LUZP2: variants seen among roughly 807,000 people sequenced by gnomAD.
The protein encoded by LUZP2 is leucine zipper protein 2.
LUZP2 carries 52 observed loss-of-function variants against 51.6 expected under a neutral mutation model. The ratio of observed to expected loss-of-function variants is 1.01; its 90% CI spans 0.81 to 1.27. LUZP2 has a LOEUF of 1.27. LUZP2 is among the 50% of genes most tolerant of loss of function. The pLI is 0.00. For missense variants in LUZP2, 436 were observed against 395.4 expected (o/e 1.10, Z -0.87); for synonymous variants, 154 against 137.3 (o/e 1.12, Z -0.85).
chr11:25,056,107 G>A (rs1858678042), intron 10 of LUZP2, among the ~76,000 whole-genome samples: 1 of 152,076 alleles, frequency 6.6e-6, no homozygotes, highest in Non-Finnish European at 1.5e-5. Context: ...TACTGTAATT[G>A]TATTTGTAAT....
At chr11:24,977,929 G>T in intron 8 of LUZP2, among the ~76,000 whole-genome samples, 1 of 150,538 alleles carries the variant, frequency 6.6e-6, no homozygotes. Flanking sequence ...GATGTCAAGG[G>T]CTTTCTATTT....
In LUZP2 at chr11:24,693,431, G is replaced by C. The variant is rs117619416; in HGVS notation, c.63-35738G>C. ...AGAAGAATCAATATATGATTTAAGA[G>C]ATTGAGTTACTGTTTTCCATATATT... On this transcript the variant is annotated intron_variant, in intron 1 of 11. Transcript: ENST00000336930. Among the ~76,000 whole-genome samples the C allele has an allele frequency of 3.6e-3, 552 of 151,730 alleles. 1 individual carries two copies. Among genetic ancestry groups the C allele is most frequent in the Non-Finnish European group, 3.7e-3 (250 of 67,790 alleles).
intron 5 of LUZP2, among the ~76,000 whole-genome samples, chr11:24,895,783 T>C (rs894885974): frequency 5.9e-5 from 9 of 152,192 alleles, no homozygotes; most frequent in Non-Finnish European, 1.3e-4. Context: ...TTTGCTAATG[T>C]GGGGCAATGA....
At chr11:24,811,373 C>A (rs1316662426) in intron 5 of LUZP2, among the ~76,000 whole-genome samples, 1 of 152,150 alleles carries the variant, frequency 6.6e-6, no homozygotes, top group Non-Finnish European at 1.5e-5. Context: ...TGAAATATAA[C>A]ATATCCAAAC....
At chr11:24,924,212 G>A (rs1854161043) in intron 7 of LUZP2, among the ~76,000 whole-genome samples, 1 of 151,948 alleles carries the variant, frequency 6.6e-6, no homozygotes, top group African/African-American at 2.4e-5. Context: ...CAAGTAGCTG[G>A]GACTACAGGC....
At position 24,983,122 on chromosome 11, in the gene LUZP2, G is replaced by A. The variant is rs1378919173; in HGVS notation, c.598-4G>A. 1 of 1,603,252 alleles carries A rather than the reference G, an allele frequency of 6.2e-7. No individual in the cohort carries two copies. The highest frequency in any genetic ancestry group is 2.2e-5 in the East Asian group (1 of 44,702). On this transcript the variant is annotated splice_polypyrimidine_tract_variant and splice_region_variant and intron_variant, in intron 8 of 11. Transcript: ENST00000336930. ...TAAATATGTTAATGCCTCTTTTTTT[G>A]TAGGAGTCACAGATGAAAGCAATGA...
intron 5 of LUZP2, among the ~76,000 whole-genome samples, chr11:24,903,985 T>A (rs1252913157): frequency 6.6e-6 from 1 of 152,168 alleles, no homozygotes; most frequent in Non-Finnish European, 1.5e-5. Flanking sequence ...ATTTTTGATA[T>A]ATATCCAGTA....
At chr11:24,884,521 G>A (rs900038311) in intron 5 of LUZP2, among the ~76,000 whole-genome samples, 1 of 151,962 alleles carries the variant, frequency 6.6e-6, no homozygotes, top group Non-Finnish European at 1.5e-5. Flanking sequence ...ATATTGGAGT[G>A]AACTTTTCAA....
At chr11:24,847,079 T>C (rs1340903256) in intron 5 of LUZP2, among the ~76,000 whole-genome samples, 2 of 151,834 alleles carry the variant, frequency 1.3e-5, no homozygotes, top group Non-Finnish European at 2.9e-5. Context: ...TACTTCTTTT[T>C]CTCAGTTACT....
At chr11:25,038,032 C>T (rs760185329) in intron 9 of LUZP2, among the ~76,000 whole-genome samples, 27 of 151,980 alleles carry the variant, frequency 1.8e-4, no homozygotes, top group Non-Finnish European at 2.9e-4. Flanking sequence ...GAAATTTTCA[C>T]GTATTGAGAG....
chr11:25,020,653 C>T (rs1308729711), intron 9 of LUZP2, among the ~76,000 whole-genome samples: 1 of 152,030 alleles, frequency 6.6e-6, no homozygotes, highest in Non-Finnish European at 1.5e-5. Flanking sequence ...CCTGAAAACA[C>T]TATTTTCTTT....
intron 4 of LUZP2, among the ~76,000 whole-genome samples, chr11:24,746,369 G>A (rs186835679): frequency 1.2e-4 from 18 of 152,272 alleles, no homozygotes; most frequent in Admixed American, 1.1e-3. Flanking sequence ...TGAGAAAGCT[G>A]AAGATAGGGC....
intron 7 of LUZP2, among the ~76,000 whole-genome samples, chr11:24,963,628 A>G (rs1374751964): frequency 3.3e-5 from 5 of 152,146 alleles, no homozygotes; most frequent in Non-Finnish European, 5.9e-5. Context: ...AAGGCGCAGT[A>G]TTCGGGTGGG....
intron 9 of LUZP2, among the ~76,000 whole-genome samples, chr11:25,027,212 T>C (rs1031425355): frequency 3.3e-5 from 5 of 152,186 alleles, no homozygotes; most frequent in African/African-American, 4.8e-5. Flanking sequence ...TTATGTTATT[T>C]TGAAATATTA....
intron 9 of LUZP2, among the ~76,000 whole-genome samples, chr11:24,998,980 C>T (rs190687669): frequency 1.3e-5 from 2 of 152,182 alleles, no homozygotes; most frequent in East Asian, 1.9e-4. Context: ...TCATCACCAC[C>T]ATTTTCCTTC....
At chr11:24,866,847 G>A (rs915867165) in intron 5 of LUZP2, among the ~76,000 whole-genome samples, 3 of 152,102 alleles carry the variant, frequency 2.0e-5, no homozygotes, top group Non-Finnish European at 4.4e-5. Flanking sequence ...TAATCATCAG[G>A]CTTGGGAAAT....
intron 5 of LUZP2, among the ~76,000 whole-genome samples, chr11:24,824,366 CAAAAAAAAAAAA>C (rs3078050): frequency 0.026 from 726 of 27,622 alleles, 18 homozygotes; most frequent in African/African-American, 0.074. Flanking sequence ...AACCCCATCT[CAAAAAAAAAAAA>C]AAAAAAAAAA....
chr11:24,870,860 C>T (rs1347560648), intron 5 of LUZP2, among the ~76,000 whole-genome samples: 1 of 151,876 alleles, frequency 6.6e-6, no homozygotes, highest in Non-Finnish European at 1.5e-5. Flanking sequence ...TACTGATGTC[C>T]CTGATCATAG....
intron 9 of LUZP2, among the ~76,000 whole-genome samples, chr11:25,046,605 A>G (rs181051817): frequency 4.3e-4 from 66 of 152,246 alleles, no homozygotes; most frequent in African/African-American, 1.5e-3. Flanking sequence ...TGAATAACAC[A>G]CACTATCTTC....
Sources: gnomAD v4.1 joint callset for allele counts (sites outside exome capture counted in the v4.1 genomes callset) on GRCh38, gnomAD v4.1.1 for gene constraint, MANE v1.5 for transcripts, NCBI Gene and HGNC (gene_info 2026-07-23, HGNC 2026-07-21) for gene names.